DPP10: variants seen among roughly 807,000 people sequenced by gnomAD.
The protein encoded by DPP10 is inactive dipeptidyl peptidase 10.
In DPP10, 33 loss-of-function variants were observed where a neutral mutation model predicts 120.9. The observed-to-expected ratio is 0.27, with a 90% CI of 0.21 to 0.37. DPP10 has a LOEUF of 0.37. Among genes scored for constraint, DPP10 ranks in the 10% least tolerant of loss-of-function variants. The pLI, the probability that DPP10 is intolerant of heterozygous loss-of-function variation, is 1.00. For missense variants in DPP10, 816 were observed against 942.8 expected (o/e 0.87, Z 1.76); for synonymous variants, 337 against 326.1 (o/e 1.03, Z -0.36).
At chr2:115,584,608 C>T (rs1025115312) in intron 5 of DPP10, among the ~76,000 whole-genome samples, 2 of 152,214 alleles carry the variant, frequency 1.3e-5, no homozygotes, top group Non-Finnish European at 2.9e-5. Context: ...CTTGTCCTTC[C>T]AATGCAATAT....
intron 21 of DPP10, among the ~76,000 whole-genome samples, chr2:115,820,104 T>C (rs1226602077): frequency 1.3e-5 from 2 of 152,228 alleles, no homozygotes; most frequent in Admixed American, 1.3e-4. Flanking sequence ...ATAGTGAAAA[T>C]ATCTATTTGT....
chr2:114,495,492 T>C (rs964408850), intron 1 of DPP10, among the ~76,000 whole-genome samples: 7 of 152,194 alleles, frequency 4.6e-5, no homozygotes, highest in Non-Finnish European at 1.0e-4. Flanking sequence ...TGTATTTCTT[T>C]CTGTATTTAT....
rs1288025305 is a variant in DPP10 at position 114,750,039 on chromosome 2, T to C, written c.60+307201T>C. 3.9e-5 allele frequency among the ~76,000 whole-genome samples: 6 copies of C among 152,188 alleles called. No homozygotes were observed. In the East Asian group the frequency reaches 1.2e-3, roughly 29 times the overall value. ...GGTAGAAATATGTGTATTTTCTAAG[T>C]TTTTTCCCTTGTGCTTTTCTGTGTT... On this transcript the variant is annotated intron_variant, in intron 1 of 25. Coordinates refer to ENST00000410059, the MANE Select transcript of DPP10 (RefSeq NM_020868.6).
At chr2:114,831,666 C>T (rs1477939271) in intron 1 of DPP10, among the ~76,000 whole-genome samples, 3 of 152,072 alleles carry the variant, frequency 2.0e-5, no homozygotes, top group African/African-American at 7.2e-5. Context: ...TTTGCAAAAT[C>T]TTAACCTCAT....
chr2:115,430,833 G>A (rs940480005), intron 3 of DPP10, among the ~76,000 whole-genome samples: 6 of 152,116 alleles, frequency 3.9e-5, no homozygotes, highest in Non-Finnish European at 8.8e-5. Context: ...CTGCTCACTC[G>A]ACTCCTACAT....
intron 1 of DPP10, among the ~76,000 whole-genome samples, chr2:115,001,449 T>C (rs766682310): frequency 6.6e-6 from 1 of 152,136 alleles, no homozygotes; most frequent in African/African-American, 2.4e-5. Context: ...TCATTCTGAA[T>C]GGGCAAAAGC....
intron 1 of DPP10, among the ~76,000 whole-genome samples, chr2:115,073,022 A>T (rs576091929): frequency 2.6e-5 from 4 of 152,232 alleles, no homozygotes; most frequent in African/African-American, 9.6e-5. Flanking sequence ...ACCTCAGGTG[A>T]TCCACCCACT....
At chr2:115,441,923 C>T (rs1386298494) in intron 3 of DPP10, among the ~76,000 whole-genome samples, 7 of 147,070 alleles carry the variant, frequency 4.8e-5, no homozygotes, top group Non-Finnish European at 1.0e-4. Context: ...TCAAGTGATT[C>T]TCCTGCCTCA....
chr2:115,318,158 G>A (rs555204982), intron 2 of DPP10, among the ~76,000 whole-genome samples: 49 of 152,060 alleles, frequency 3.2e-4, no homozygotes, highest in South Asian at 2.3e-3. Context: ...ATTTTTGCAT[G>A]TGAATAACCA....
intron 1 of DPP10, among the ~76,000 whole-genome samples, chr2:115,243,441 G>T (rs1209395611): frequency 2.0e-5 from 3 of 151,948 alleles, no homozygotes; most frequent in Non-Finnish European, 2.9e-5. Context: ...TAAAATAAGG[G>T]TCAGTAAAAT....
At chr2:114,455,292 C>T (rs1232973926) in intron 1 of DPP10, among the ~76,000 whole-genome samples, 1 of 151,966 alleles carries the variant, frequency 6.6e-6, no homozygotes, top group African/African-American at 2.4e-5. Flanking sequence ...CGCCTGTAAT[C>T]CCAGCACTTA....
chr2:114,695,442 G>A (rs1482297970), intron 1 of DPP10, among the ~76,000 whole-genome samples: 1 of 151,974 alleles, frequency 6.6e-6, no homozygotes, highest in African/African-American at 2.4e-5. Flanking sequence ...ACATATCATC[G>A]ATTCCTCTGG....
At chr2:114,675,244 A>G (rs1207027060) in intron 1 of DPP10, among the ~76,000 whole-genome samples, 1 of 152,140 alleles carries the variant, frequency 6.6e-6, no homozygotes, top group Admixed American at 6.5e-5. Flanking sequence ...GAAATCCTGG[A>G]TAATTTGCAG....
intron 5 of DPP10, among the ~76,000 whole-genome samples, chr2:115,544,856 C>G (rs1339398626): frequency 6.6e-6 from 1 of 151,866 alleles, no homozygotes; most frequent in Non-Finnish European, 1.5e-5. Flanking sequence ...AGGATGTTTC[C>G]TTTTGCTTTA....
chr2:115,141,486 G>A (rs984563416), intron 1 of DPP10, among the ~76,000 whole-genome samples: 17 of 152,198 alleles, frequency 1.1e-4, no homozygotes, highest in Non-Finnish European at 1.8e-4. Context: ...TAGCTGGGCA[G>A]GGATAGAGCA....
chr2:115,079,217 A>G (rs1221430842), intron 1 of DPP10, among the ~76,000 whole-genome samples: 2 of 152,106 alleles, frequency 1.3e-5, no homozygotes, highest in Admixed American at 6.5e-5. Flanking sequence ...CGTCTCTACT[A>G]AAAACACAAA....
At chr2:115,484,516 A>G (rs1360611047) in intron 3 of DPP10, among the ~76,000 whole-genome samples, 1 of 152,126 alleles carries the variant, frequency 6.6e-6, no homozygotes, top group Non-Finnish European at 1.5e-5. Context: ...TCTATGACCA[A>G]TGAAAGCAAG....
At chr2:115,055,983 C>CA (rs71297178) in intron 1 of DPP10, among the ~76,000 whole-genome samples, 15 of 151,792 alleles carry the variant, frequency 9.9e-5, no homozygotes, top group Non-Finnish European at 1.8e-4. Context: ...AAAATGAAAA[C>CA]AAAAAATGGA....
intron 1 of DPP10, among the ~76,000 whole-genome samples, chr2:115,262,348 C>T (rs1354442255): frequency 1.3e-5 from 2 of 151,752 alleles, no homozygotes; most frequent in South Asian, 2.1e-4. Flanking sequence ...TATTTGCTAT[C>T]ATTATTTTAA....
Sources: gnomAD v4.1 joint callset for allele counts (sites outside exome capture counted in the v4.1 genomes callset) on GRCh38, gnomAD v4.1.1 for gene constraint, MANE v1.5 for transcripts, NCBI Gene and HGNC (gene_info 2026-07-23, HGNC 2026-07-21) for gene names.